The following DPP10 variants were observed in gnomAD, a reference collection of about 807,000 sequenced individuals.
The protein encoded by DPP10 is inactive dipeptidyl peptidase 10.
In DPP10, 33 loss-of-function variants were observed where a neutral mutation model predicts 120.9. The ratio of observed to expected loss-of-function variants is 0.27; its 90% CI spans 0.21 to 0.37. The LOEUF (loss-of-function observed/expected upper bound fraction) is 0.37. DPP10 is among the 10% of genes least tolerant of loss of function. The pLI is 1.00. For missense variants in DPP10, 816 were observed against 942.8 expected (o/e 0.87, Z 1.76); for synonymous variants, 337 against 326.1 (o/e 1.03, Z -0.36).
At chr2:115,252,799 C>A (rs901438941) in intron 1 of DPP10, among the ~76,000 whole-genome samples, 1 of 152,220 alleles carries the variant, frequency 6.6e-6, no homozygotes, top group Non-Finnish European at 1.5e-5. Flanking sequence ...TGCAGTGCTT[C>A]CTTCTCCCAA....
chr2:115,714,559 A>G (rs2092427614), intron 7 of DPP10, among the ~76,000 whole-genome samples: 1 of 152,052 alleles, frequency 6.6e-6, no homozygotes. Flanking sequence ...GTTCTCCAAT[A>G]ATTCTTTTAC....
At chr2:115,252,164 T>C (rs1050449534) in intron 1 of DPP10, among the ~76,000 whole-genome samples, 18 of 152,212 alleles carry the variant, frequency 1.2e-4, no homozygotes, top group African/African-American at 3.6e-4. Context: ...ATGCTTTTTT[T>C]CTGAAAATAT....
intron 5 of DPP10, among the ~76,000 whole-genome samples, chr2:115,683,508 G>A (rs1365720011): frequency 1.3e-5 from 2 of 151,758 alleles, no homozygotes; most frequent in African/African-American, 4.8e-5. Flanking sequence ...GGGTGACAAT[G>A]GCGTGTTGAT....
At chr2:115,016,663 A>G (rs1473666752) in intron 1 of DPP10, among the ~76,000 whole-genome samples, 2 of 152,128 alleles carry the variant, frequency 1.3e-5, no homozygotes, top group East Asian at 3.9e-4. Context: ...TACAAGAAAA[A>G]AAAAACAACC....
At chr2:115,286,946 G>A (rs937612595) in intron 1 of DPP10, among the ~76,000 whole-genome samples, 1 of 151,840 alleles carries the variant, frequency 6.6e-6, no homozygotes, top group Admixed American at 6.6e-5. Flanking sequence ...CCTGATTCTA[G>A]GTACAAAGAT....
intron 1 of DPP10, among the ~76,000 whole-genome samples, chr2:115,196,939 C>G (rs2055322412): frequency 6.6e-6 from 1 of 152,186 alleles, no homozygotes; most frequent in Non-Finnish European, 1.5e-5. Flanking sequence ...AGCTTCCTAT[C>G]AGAGATTGCT....
intron 5 of DPP10, among the ~76,000 whole-genome samples, chr2:115,628,644 G>A (rs974613258): frequency 1.3e-5 from 2 of 152,048 alleles, no homozygotes; most frequent in Non-Finnish European, 2.9e-5. Context: ...GGTTTTCACA[G>A]TTTTGGGCTA....
chr2:115,270,438 G>T (rs1318418643), intron 1 of DPP10, among the ~76,000 whole-genome samples: 1 of 152,044 alleles, frequency 6.6e-6, no homozygotes, highest in African/African-American at 2.4e-5. Context: ...TTGAGCTATG[G>T]GGGTTACCCG....
At chr2:115,401,382 C>A (rs1327743606) in intron 3 of DPP10, among the ~76,000 whole-genome samples, 1 of 152,110 alleles carries the variant, frequency 6.6e-6, no homozygotes, top group Non-Finnish European at 1.5e-5. Context: ...GAGTTTGAGA[C>A]CAGCCTGGGT....
intron 3 of DPP10, among the ~76,000 whole-genome samples, chr2:115,358,958 CG>C (rs368350156): frequency 7.9e-5 from 12 of 152,242 alleles, no homozygotes; most frequent in African/African-American, 2.9e-4. Context: ...TACCTCCCAC[CG>C]GATCCCTCCC....
intron 1 of DPP10, among the ~76,000 whole-genome samples, chr2:114,723,738 T>A (rs1012959213): frequency 6.6e-6 from 1 of 152,198 alleles, no homozygotes; most frequent in Non-Finnish European, 1.5e-5. Flanking sequence ...GCCCTTTCCT[T>A]TGTTCAGTTC....
intron 7 of DPP10, among the ~76,000 whole-genome samples, chr2:115,696,353 A>G (rs928678982): frequency 1.2e-4 from 19 of 152,194 alleles, no homozygotes; most frequent in African/African-American, 4.6e-4. Flanking sequence ...AAGCAACCTG[A>G]GAGAGGCCCT....
chr2:115,539,361 T>C (rs2079050141), intron 5 of DPP10, among the ~76,000 whole-genome samples: 2 of 152,004 alleles, frequency 1.3e-5, no homozygotes, highest in South Asian at 4.1e-4. Flanking sequence ...AGGCAGATTT[T>C]GGCTCCACAT....
intron 15 of DPP10, among the ~76,000 whole-genome samples, chr2:115,778,653 G>A (rs931232151): frequency 1.3e-5 from 2 of 152,050 alleles, no homozygotes; most frequent in African/African-American, 4.8e-5. Flanking sequence ...TTTAAGAAGT[G>A]TCACCACTAA....
At chr2:115,687,150 A>G (rs913932098) in intron 5 of DPP10, among the ~76,000 whole-genome samples, 4 of 152,086 alleles carry the variant, frequency 2.6e-5, no homozygotes, top group African/African-American at 9.6e-5. Flanking sequence ...ACAGATGTTC[A>G]GTAAAGCTAA....
rs957295446 is a variant in DPP10 at position 114,649,409 on chromosome 2, C to T, written c.60+206571C>T. On this transcript the variant is annotated intron_variant, in intron 1 of 25. Transcript: ENST00000410059. ...TGTCACCCAGGCTGGAGTGCAGTGGCGAGATCTCGGCTCACTGCAACCTCC... is the reference window on the plus strand; with the variant it reads ...TGTCACCCAGGCTGGAGTGCAGTGGTGAGATCTCGGCTCACTGCAACCTCC... Among the ~76,000 whole-genome samples, 6 of 150,442 alleles carry T rather than the reference C, an allele frequency of 4.0e-5. No individual in the cohort carries two copies. In the East Asian group the frequency reaches 7.9e-4, roughly 20 times the overall value.
intron 3 of DPP10, among the ~76,000 whole-genome samples, chr2:115,456,140 G>C (rs1032878394): frequency 3.9e-5 from 6 of 152,106 alleles, no homozygotes; most frequent in Admixed American, 6.5e-5. Flanking sequence ...CCATCAAAAA[G>C]TGGGTGAAGA....
chr2:115,041,337 T>A (rs916453222), intron 1 of DPP10, among the ~76,000 whole-genome samples: 8 of 152,162 alleles, frequency 5.3e-5, no homozygotes, highest in Non-Finnish European at 1.0e-4. Context: ...CGAACCCTGC[T>A]CACATTGATA....
At chr2:115,404,451 CA>C (rs1025379299) in intron 3 of DPP10, among the ~76,000 whole-genome samples, 18 of 152,198 alleles carry the variant, frequency 1.2e-4, no homozygotes, top group Admixed American at 7.9e-4. Flanking sequence ...CAAACTATAT[CA>C]ACTTATATAC....
Sources: gnomAD v4.1 joint callset for allele counts (sites outside exome capture counted in the v4.1 genomes callset) on GRCh38, gnomAD v4.1.1 for gene constraint, MANE v1.5 for transcripts, NCBI Gene and HGNC (gene_info 2026-07-23, HGNC 2026-07-21) for gene names.